The following FBXL19 variants were observed in gnomAD, a reference collection of about 807,000 sequenced individuals.
FBXL19 encodes F-box and leucine rich repeat protein 19, also known as F-box/LRR-repeat protein 19.
Under a neutral mutation model 71.2 loss-of-function variants are expected in FBXL19, and 16 were observed. That is an observed-to-expected ratio of 0.22 (90% CI 0.15 to 0.34). The LOEUF is 0.34. Among genes scored for constraint, FBXL19 ranks in the 10% least tolerant of loss-of-function variants. FBXL19 has a pLI of 1.00. For synonymous variants in FBXL19, 447 were observed against 409.4 expected (o/e 1.09, Z -1.11); for missense variants, 658 against 968.2 (o/e 0.68, Z 4.25).
At chr16:30,926,877 G>C (rs542869306) in intron 2 of FBXL19, among the ~76,000 whole-genome samples, 2 of 152,118 alleles carry the variant, frequency 1.3e-5, no homozygotes, top group Non-Finnish European at 2.9e-5. Flanking sequence ...GTGGGATTCA[G>C]AGCAACCCTT....
Position 30,924,838 on chromosome 16 carries a change from A to G in FBXL19, c.-25+379A>G, listed in dbSNP as rs559169916. The G allele has an allele frequency of 2.4e-6, 3 of 1,251,006 alleles. No individual in the cohort carries two copies. In the East Asian group the frequency reaches 8.7e-5, roughly 36 times the overall value. 77.5% of individuals were successfully genotyped at this position (1,251,006 alleles called of 1,614,324 possible). ...TGGGATCTTGGAGGATCTGGTTTCC[A>G]TGGGAGGGGGAGCCCAAGGGATTCT... On this transcript the variant is annotated intron_variant, in intron 1 of 10. Coordinates refer to ENST00000338343, the MANE Select transcript of FBXL19 (RefSeq NM_001382779.1).
intron 7 of FBXL19, among the ~76,000 whole-genome samples, chr16:30,939,707 C>T (rs372387675): frequency 4.6e-5 from 7 of 151,896 alleles, no homozygotes; most frequent in Non-Finnish European, 1.0e-4. Context: ...CATGAGCCAC[C>T]GCGCCCGGCA....
chr16:30,925,787 A>C lies in FBXL19; in HGVS notation c.33A>C (p.Gly11=). MSSSSRGPGA[G]ARRRRTRCRR... ...CGAGCAGCCGGGGGCCGGGGGCCGG[A>C]GCGCGCCGACGCCGAACCCGCTGCC... Residue 11 remains glycine (G), a synonymous_variant, in exon 2 of 11, where the codon GGA becomes GGC. Coordinates refer to ENST00000338343, the MANE Select transcript of FBXL19 (RefSeq NM_001382779.1). This position sits in a 1 kb window ranked among gnomAD's most constrained non-coding sequence, Gnocchi z 5.0. 1 of 1,490,342 alleles carries C rather than the reference A, an allele frequency of 6.7e-7. No individual in the cohort carries two copies. Among genetic ancestry groups the C allele is most frequent in the Non-Finnish European group, 8.9e-7 (1 of 1,124,136 alleles). 92.3% of individuals were successfully genotyped at this position (1,490,342 alleles called of 1,614,324 possible).
rs758432014 is a variant in FBXL19, at chr16:30,930,303, C to T, written c.1020C>T (p.Ser340=). ...ATGGGCGACGGCCAGCCCGGGGCAG[C>T]TCTGGCGAGAAGGAGAACCGTGGGG... ...ARNGRRPARG[S]SGEKENRGGR... is the part of the protein sequence containing the mutation. The change falls in exon 7 of 11, where the codon AGC becomes AGT. Residue 340 remains serine, a synonymous_variant. Transcript: ENST00000338343. The surrounding 1 kb of genome is among the most constrained non-coding windows in gnomAD (Gnocchi z 8.5). 1 of 1,610,306 alleles carries T rather than the reference C, an allele frequency of 6.2e-7. No homozygotes were observed. Among genetic ancestry groups the T allele is most frequent in the Non-Finnish European group, 8.5e-7 (1 of 1,178,258 alleles).
rs1475637224 is a variant in FBXL19 at position 30,948,366 on chromosome 16, A to C, written c.*1136A>C. On this transcript the variant is annotated 3_prime_UTR_variant, in exon 11 of 11. Coordinates refer to ENST00000338343, the MANE Select transcript of FBXL19 (RefSeq NM_001382779.1). ...CGGACACCTCCCGATGCCAGTGCTA[A>C]GGCTGGAAATGGCCCCCTCTTAGTT... 6.6e-6 allele frequency: 1 copy of C among 152,628 alleles called. No homozygotes were observed. Among genetic ancestry groups the C allele is most frequent in the East Asian group, 1.9e-4 (1 of 5,196 alleles). 9.5% of individuals were successfully genotyped at this position (152,628 alleles called of 1,614,324 possible).
At chr16:30,940,295 C>G (rs537031060) in intron 7 of FBXL19, among the ~76,000 whole-genome samples, 65 of 151,786 alleles carry the variant, frequency 4.3e-4, no homozygotes, top group Non-Finnish European at 8.2e-4. Context: ...TGGCATGTGC[C>G]TGTAGTCCCA....
intron 7 of FBXL19, among the ~76,000 whole-genome samples, chr16:30,932,414 G>T (rs1453494421): frequency 6.6e-6 from 1 of 152,210 alleles, no homozygotes; most frequent in Non-Finnish European, 1.5e-5. Flanking sequence ...CCAGCTCTGT[G>T]CCTGGCATGT....
At chr16:30,934,374 A>G (rs1194915572) in intron 7 of FBXL19, among the ~76,000 whole-genome samples, 1 of 150,138 alleles carries the variant, frequency 6.7e-6, no homozygotes, top group East Asian at 2.0e-4. Flanking sequence ...AAAAAAAAAA[A>G]TGGCCGGGCA....
chr16:30,936,777 CTG>C (rs2055742258), intron 7 of FBXL19, among the ~76,000 whole-genome samples: 1 of 140,344 alleles, frequency 7.1e-6, no homozygotes, highest in Non-Finnish European at 1.5e-5. Flanking sequence ...GAGTCTGACT[CTG>C]TTACCCAGGC....
rs200238014 is a variant in FBXL19, at chr16:30,942,059, CTG to C, written c.1302-54_1302-53del. 1.2e-4 allele frequency: 170 copies of C among 1,463,830 alleles called. 2 individuals carry two copies. The East Asian group carries it at 4.0e-3, about 35-fold the overall frequency. The allele number at this position is 1,463,830 out of a possible 1,614,324, so 90.7% of individuals were successfully genotyped here. On this transcript the variant is annotated intron_variant, in intron 7 of 10. Coordinates refer to ENST00000338343, the MANE Select transcript of FBXL19 (RefSeq NM_001382779.1). This position sits in a 1 kb window ranked among gnomAD's most constrained non-coding sequence, Gnocchi z 5.7. ...CCCTTGGAGCTGGGGAGCCTGGGAA[CTG>C]TGGGCTGCTGAGAGCTGAGGGCTGA...
Position 30,947,210 on chromosome 16 carries a change from C to G in FBXL19, c.2005C>G (p.Leu669Val). The G allele has an allele frequency of 6.3e-7, 1 of 1,594,972 alleles. No individual in the cohort carries two copies. Among genetic ancestry groups the G allele is most frequent in the Non-Finnish European group, 8.5e-7 (1 of 1,177,050 alleles). The change falls in exon 11 of 11, where the codon CTG becomes GTG. Residue 669 changes from leucine to valine, a missense_variant. Leu to Val is a conservative substitution (Grantham distance 32). Coordinates refer to ENST00000338343, the MANE Select transcript of FBXL19 (RefSeq NM_001382779.1). The stretch of plus-strand genomic sequence containing the variant: ...CCCCTTCCGCTGCCCTGAGGAGAAG[C>G]TGCTTCTCAAGGACAGCTAGTTGGG... ...PGPFRCPEEK[L>V]LLKDS
rs377376701 is a variant in FBXL19 at position 30,942,110 on chromosome 16, C to T, written c.1302-6C>T. On this transcript the variant is annotated splice_polypyrimidine_tract_variant and splice_region_variant and intron_variant, in intron 7 of 10. Coordinates refer to ENST00000338343, the MANE Select transcript of FBXL19 (RefSeq NM_001382779.1). The surrounding 1 kb of genome is among the most constrained non-coding windows in gnomAD (Gnocchi z 5.7). ...GAGGTCTCTGTCTCCCCCCTATGGC[C>T]GCCAGGTGCTATGACAAGCGTCTGT... 3.2e-5 allele frequency: 50 copies of T among 1,565,848 alleles called. No homozygotes were observed. The Admixed American group carries it at 5.4e-4, about 17-fold the overall frequency.
rs372521780 is a variant in FBXL19, at chr16:30,928,081, T to G, written c.627+118T>G. ...CGTGCTCTGTGGGTTCCCCAAGGAC[T>G]GTTGGGAGATGTAGTTCAGGAGTTG... On this transcript the variant is annotated intron_variant, in intron 5 of 10. Coordinates refer to ENST00000338343, the MANE Select transcript of FBXL19 (RefSeq NM_001382779.1). 6.5e-5 allele frequency: 43 copies of G among 660,438 alleles called. No homozygotes were observed. In the East Asian group the frequency reaches 1.1e-3, roughly 17 times the overall value. The allele number at this position is 660,438 out of a possible 1,614,324, so 40.9% of individuals were successfully genotyped here.
chr16:30,941,124 G>A (rs1331947733), intron 7 of FBXL19, among the ~76,000 whole-genome samples: 1 of 152,228 alleles, frequency 6.6e-6, no homozygotes, highest in Non-Finnish European at 1.5e-5. Flanking sequence ...CTGTAGATGA[G>A]GAGGTGGGGG....
chr16:30,925,584 C>A lies in FBXL19; in HGVS notation c.-24-147C>A. ...AGACAGGCCTTGAGTAGAGGATTGG[C>A]CCCCAGATACACAGAAGGGGGTGAC... On this transcript the variant is annotated intron_variant, in intron 1 of 10. Transcript: ENST00000338343. This position sits in a 1 kb window ranked among gnomAD's most constrained non-coding sequence, Gnocchi z 5.0. 1 of 835,186 alleles carries A rather than the reference C, an allele frequency of 1.2e-6. No individual in the cohort carries two copies. Among genetic ancestry groups the A allele is most frequent in the Non-Finnish European group, 1.7e-6 (1 of 593,368 alleles). The allele number at this position is 835,186 out of a possible 1,614,324, so 51.7% of individuals were successfully genotyped here.
chr16:30,944,000 A>AT (rs2055830173), intron 9 of FBXL19, among the ~76,000 whole-genome samples: 1 of 152,046 alleles, frequency 6.6e-6, no homozygotes, highest in Admixed American at 6.6e-5. Flanking sequence ...GCACTCAGCC[A>AT]TTGTCCACTC....
upstream of FBXL19, among the ~76,000 whole-genome samples, chr16:30,923,427 G>A (rs538967908): frequency 6.6e-6 from 1 of 151,544 alleles, no homozygotes; most frequent in South Asian, 2.1e-4. Context: ...AACTCCCGTC[G>A]AGCCCTGCGT....
intron 7 of FBXL19, among the ~76,000 whole-genome samples, chr16:30,934,844 G>A (rs76345698): frequency 0.068 from 10,377 of 152,244 alleles, 483 homozygotes; most frequent in Non-Finnish European, 0.11. Flanking sequence ...CTCAGGACGT[G>A]TGGGTCTGAT....
intron 7 of FBXL19, among the ~76,000 whole-genome samples, chr16:30,936,753 T>TG (rs2055741630): frequency 6.7e-6 from 1 of 149,204 alleles, no homozygotes; most frequent in Non-Finnish European, 1.5e-5. Flanking sequence ...ACCTTTTTTT[T>TG]TTTTTTTGAG....
Sources: gnomAD v4.1 joint callset for allele counts (sites outside exome capture counted in the v4.1 genomes callset) on GRCh38, gnomAD v4.1.1 for gene constraint, Gnocchi (gnomAD v3.1) non-coding constraint, MANE v1.5 for transcripts, NCBI Gene and HGNC (gene_info 2026-07-23, HGNC 2026-07-21) for gene names.